Variants in KCNQ3 observed in about 807,000 individuals in gnomAD.
KCNQ3 encodes potassium voltage-gated channel subfamily Q member 3, also known as potassium voltage-gated channel subfamily KQT member 3.
Under a neutral mutation model 92.5 loss-of-function variants are expected in KCNQ3, and 30 were observed. The observed-to-expected ratio is 0.32, with a 90% CI of 0.24 to 0.44. The LOEUF (loss-of-function observed/expected upper bound fraction) is 0.44. Among genes scored for constraint, KCNQ3 ranks in the 20% least tolerant of loss-of-function variants. The pLI, the probability that KCNQ3 is intolerant of heterozygous loss-of-function variation, is 1.00. For missense variants in KCNQ3, 913 were observed against 1,140.3 expected (o/e 0.80, Z 2.87); for synonymous variants, 450 against 468.8 (o/e 0.96, Z 0.52).
At chr8:132,477,039 C>CT (rs1822428824) in intron 1 of KCNQ3, among the ~76,000 whole-genome samples, 1 of 152,114 alleles carries the variant, frequency 6.6e-6, no homozygotes, top group Non-Finnish European at 1.5e-5. Context: ...CCTTTGTTCT[C>CT]TTTTTCCTGC....
chr8:132,391,870 C>T (rs140904747), intron 1 of KCNQ3, among the ~76,000 whole-genome samples: 206 of 152,276 alleles, frequency 1.4e-3, no homozygotes, highest in African/African-American at 4.7e-3. Context: ...AAACTGCTTC[C>T]TGCACTGGCG....
chr8:132,418,320 T>C (rs1363418624), intron 1 of KCNQ3, among the ~76,000 whole-genome samples: 1 of 152,120 alleles, frequency 6.6e-6, no homozygotes. Context: ...TCCGTGGCTC[T>C]GTGTGGGTTT....
chr8:132,176,495 T>C (rs977911054), intron 4 of KCNQ3, among the ~76,000 whole-genome samples: 1 of 152,242 alleles, frequency 6.6e-6, no homozygotes, highest in East Asian at 1.9e-4. Context: ...GATTTAAGAC[T>C]GTCTGTCATT....
chr8:132,185,561 T>A (rs1202372082), intron 2 of KCNQ3, among the ~76,000 whole-genome samples: 1 of 152,240 alleles, frequency 6.6e-6, no homozygotes, highest in Non-Finnish European at 1.5e-5. Context: ...TTAGCTGACT[T>A]GCCCAAGAAT....
At chr8:132,357,291 T>C (rs1586953614) in intron 1 of KCNQ3, among the ~76,000 whole-genome samples, 1 of 151,750 alleles carries the variant, frequency 6.6e-6, no homozygotes, top group Admixed American at 6.6e-5. Flanking sequence ...GAAGCAAGAG[T>C]GAAGAAGTGA....
At chr8:132,413,432 G>A (rs907149039) in intron 1 of KCNQ3, among the ~76,000 whole-genome samples, 3 of 152,146 alleles carry the variant, frequency 2.0e-5, no homozygotes, top group Non-Finnish European at 4.4e-5. Context: ...GGGTTAAGTC[G>A]CCTTTCAGTC....
intron 1 of KCNQ3, among the ~76,000 whole-genome samples, chr8:132,277,519 C>G (rs1034781659): frequency 2.0e-5 from 3 of 152,152 alleles, no homozygotes; most frequent in African/African-American, 7.2e-5. Context: ...CTGAAGGAGG[C>G]CTCAGTAGAC....
intron 1 of KCNQ3, among the ~76,000 whole-genome samples, chr8:132,380,542 G>A (rs1819719717): frequency 6.6e-6 from 1 of 152,022 alleles, no homozygotes; most frequent in Non-Finnish European, 1.5e-5. Flanking sequence ...AAAGGGTGGG[G>A]CTGTTTTGCC....
Position 132,436,893 on chromosome 8 carries a change from C to G in KCNQ3, c.386+43254G>C, listed in dbSNP as rs868546517. Among the ~76,000 whole-genome samples, 2 of 152,114 alleles carry G rather than the reference C, an allele frequency of 1.3e-5. 1 individual carries two copies. The highest frequency in any genetic ancestry group is 1.3e-4 in the Admixed American group (2 of 15,276). On this transcript the variant is annotated intron_variant, in intron 1 of 14. Transcript: ENST00000388996. ...ATTTCCACCCACTTACTCCAGGCAGCCCAGGTGTCTCTTGTCTTTGGCCTG... is the reference window on the plus strand; with the variant it reads ...ATTTCCACCCACTTACTCCAGGCAGGCCAGGTGTCTCTTGTCTTTGGCCTG...
chr8:132,473,304 T>C (rs1822334302), intron 1 of KCNQ3, among the ~76,000 whole-genome samples: 1 of 152,170 alleles, frequency 6.6e-6, no homozygotes, highest in South Asian at 2.1e-4. Context: ...AAATCAGCAT[T>C]GTCTAGAGAA....
intron 1 of KCNQ3, among the ~76,000 whole-genome samples, chr8:132,417,788 C>T (rs1363314072): frequency 1.3e-5 from 2 of 152,238 alleles, no homozygotes; most frequent in Non-Finnish European, 2.9e-5. Context: ...AATGGGAGTG[C>T]TCCCGGAATA....
chr8:132,373,769 G>A (rs907192951), intron 1 of KCNQ3, among the ~76,000 whole-genome samples: 5 of 152,108 alleles, frequency 3.3e-5, no homozygotes, highest in South Asian at 2.1e-4. Flanking sequence ...GAGCTCTGCC[G>A]AACGACTACA....
intron 1 of KCNQ3, among the ~76,000 whole-genome samples, chr8:132,215,607 G>A (rs988370123): frequency 9.2e-5 from 14 of 152,072 alleles, no homozygotes; most frequent in African/African-American, 2.9e-4. Flanking sequence ...TGTTTCCCAC[G>A]CTTCTGCCTC....
At chr8:132,368,374 T>C (rs564125899) in intron 1 of KCNQ3, among the ~76,000 whole-genome samples, 1 of 152,246 alleles carries the variant, frequency 6.6e-6, no homozygotes, top group Admixed American at 6.5e-5. Context: ...ATATAAATAG[T>C]CGTGCACAGT....
At chr8:132,146,720 C>T (rs1825462226) in intron 9 of KCNQ3, among the ~76,000 whole-genome samples, 1 of 151,536 alleles carries the variant, frequency 6.6e-6, no homozygotes, top group Non-Finnish European at 1.5e-5. Flanking sequence ...TCCCGAGTTA[C>T]TGGAATTACA....
intron 1 of KCNQ3, among the ~76,000 whole-genome samples, chr8:132,368,707 A>C (rs1819390638): frequency 6.6e-6 from 1 of 152,222 alleles, no homozygotes; most frequent in Non-Finnish European, 1.5e-5. Flanking sequence ...AAAAAATAAA[A>C]AATAGCACTA....
chr8:132,313,902 A>G (rs1817669176), intron 1 of KCNQ3, among the ~76,000 whole-genome samples: 1 of 152,210 alleles, frequency 6.6e-6, no homozygotes, highest in South Asian at 2.1e-4. Flanking sequence ...ATAAGTTCCC[A>G]GCCAAATCTC....
At chr8:132,134,482 G>T in intron 12 of KCNQ3, 94 bp from the exon 13 acceptor site, 10 of 859,196 alleles carry the variant, frequency 1.2e-5, no homozygotes, top group East Asian at 3.1e-5. Context: ...TGAGATAAGG[G>T]TTTGGAATAT....
intron 1 of KCNQ3, among the ~76,000 whole-genome samples, chr8:132,227,312 G>A (rs572217680): frequency 3.2e-4 from 48 of 152,016 alleles, no homozygotes; most frequent in African/African-American, 8.4e-4. Flanking sequence ...TTCCCGCCTC[G>A]GCCTCCCAAA....
Sources: gnomAD v4.1 joint callset for allele counts (sites outside exome capture counted in the v4.1 genomes callset) on GRCh38, gnomAD v4.1.1 for gene constraint, MANE v1.5 for transcripts, NCBI Gene and HGNC (gene_info 2026-07-23, HGNC 2026-07-21) for gene names.